Variants in ARHGAP24 observed in about 807,000 individuals in gnomAD.
ARHGAP24 encodes the protein Rho GTPase activating protein 24.
Under a neutral mutation model 76.4 loss-of-function variants are expected in ARHGAP24, and 50 were observed. That is an observed-to-expected ratio of 0.65 (90% CI 0.52 to 0.83). ARHGAP24 has a LOEUF of 0.83. Ranked by LOEUF, ARHGAP24 falls within the 40% of genes least tolerant of loss-of-function variation. ARHGAP24 has a pLI of 0.00. For synonymous variants in ARHGAP24, 345 were observed against 323.3 expected, an observed-to-expected ratio of 1.07 and a Z score of -0.72; for missense variants, 930 against 914.2, an observed-to-expected ratio of 1.02 and a Z score of -0.22.
intron 3 of ARHGAP24, among the ~76,000 whole-genome samples, chr4:85,913,069 T>C (rs1735175019): frequency 6.6e-6 from 1 of 152,122 alleles, no homozygotes. Flanking sequence ...ATAATTCCCA[T>C]GAACATATAA....
chr4:85,734,107 T>A (rs1049520297), intron 3 of ARHGAP24, among the ~76,000 whole-genome samples: 3 of 152,108 alleles, frequency 2.0e-5, no homozygotes, highest in Admixed American at 6.5e-5. Context: ...CTCTACTTAT[T>A]CCTGCCACAA....
chr4:85,770,695 A>G (rs75859108), intron 3 of ARHGAP24, among the ~76,000 whole-genome samples: 23,615 of 152,206 alleles, frequency 0.16, 2,797 homozygotes, highest in East Asian at 0.66. Context: ...AGTCTCTGTA[A>G]AGTGAAATGT....
intron 1 of ARHGAP24, among the ~76,000 whole-genome samples, chr4:85,561,207 G>A (rs991909050): frequency 1.3e-5 from 2 of 152,142 alleles, no homozygotes; most frequent in African/African-American, 4.8e-5. Flanking sequence ...CACCAGGGAA[G>A]CCTTTGTAGA....
intron 3 of ARHGAP24, among the ~76,000 whole-genome samples, chr4:85,740,971 T>C (rs1178336994): frequency 1.3e-5 from 2 of 152,266 alleles, no homozygotes; most frequent in African/African-American, 4.8e-5. Context: ...ACAGTGCTTG[T>C]ATTCTTTAAT....
chr4:85,570,912 G>A, intron 2 of ARHGAP24, 191 bp downstream of exon 2: 2 of 598,818 alleles, frequency 3.3e-6, no homozygotes, highest in East Asian at 5.9e-5. Flanking sequence ...AGGCCAAGAG[G>A]CAAATTATAC....
intron 2 of ARHGAP24, among the ~76,000 whole-genome samples, chr4:85,616,728 A>C (rs1720552550): frequency 6.6e-6 from 1 of 152,106 alleles, no homozygotes; most frequent in Admixed American, 6.5e-5. Flanking sequence ...CCCAGATACA[A>C]GCTATTCTTG....
intron 3 of ARHGAP24, among the ~76,000 whole-genome samples, chr4:85,837,662 G>A (rs572424931): frequency 1.3e-5 from 2 of 152,136 alleles, no homozygotes; most frequent in Non-Finnish European, 2.9e-5. Flanking sequence ...GACTTGAAAT[G>A]ACAAGTGATT....
intron 2 of ARHGAP24, among the ~76,000 whole-genome samples, chr4:85,683,560 T>C (rs1723310703): frequency 6.6e-6 from 1 of 152,246 alleles, no homozygotes; most frequent in African/African-American, 2.4e-5. Flanking sequence ...TAACATATTT[T>C]GAAGTTGTAA....
intron 1 of ARHGAP24, among the ~76,000 whole-genome samples, chr4:85,547,957 GC>G (rs1165178806): frequency 6.6e-6 from 1 of 152,078 alleles, no homozygotes; most frequent in Non-Finnish European, 1.5e-5. Context: ...GAAAGGAAGA[GC>G]TTTCCCATGT....
At chr4:85,972,436 GT>G (rs1739042982) in intron 6 of ARHGAP24, 1 of 451,866 alleles carries the variant, frequency 2.2e-6, no homozygotes, top group Non-Finnish European at 4.1e-6. Flanking sequence ...GCAGTGCTAT[GT>G]CAGGCCACAC....
chr4:85,873,989 G>T (rs917763701), intron 3 of ARHGAP24, among the ~76,000 whole-genome samples: 1 of 151,950 alleles, frequency 6.6e-6, no homozygotes, highest in African/African-American at 2.4e-5. Context: ...ATTAAATTAG[G>T]CACTTCTGCT....
chr4:85,907,229 C>T (rs1734817307), intron 3 of ARHGAP24, among the ~76,000 whole-genome samples: 1 of 152,178 alleles, frequency 6.6e-6, no homozygotes, highest in African/African-American at 2.4e-5. Context: ...AAAGGGAAAA[C>T]CCTCCTGTGG....
chr4:85,981,429 ATCT>A (rs1365048720), intron 8 of ARHGAP24, among the ~76,000 whole-genome samples: 1 of 152,180 alleles, frequency 6.6e-6, no homozygotes, highest in East Asian at 1.9e-4. Flanking sequence ...AATCTATAGT[ATCT>A]TTGATACTAT....
At chr4:85,549,784 T>C (rs1726057082) in intron 1 of ARHGAP24, among the ~76,000 whole-genome samples, 1 of 152,170 alleles carries the variant, frequency 6.6e-6, no homozygotes, top group Non-Finnish European at 1.5e-5. Flanking sequence ...AAGTAGGCCC[T>C]GGCATCTCTC....
At chr4:85,802,725 AGGTTGT>A (rs1728630625) in intron 3 of ARHGAP24, among the ~76,000 whole-genome samples, 1 of 152,196 alleles carries the variant, frequency 6.6e-6, no homozygotes, top group Non-Finnish European at 1.5e-5. Flanking sequence ...CAGGAGGCGG[AGGTTGT>A]GGTGAGCTGA....
At chr4:85,822,311 G>T (rs1156328906) in intron 3 of ARHGAP24, among the ~76,000 whole-genome samples, 1 of 151,828 alleles carries the variant, frequency 6.6e-6, no homozygotes, top group Non-Finnish European at 1.5e-5. Context: ...CAAATAACAA[G>T]CCAAGTCCAA....
At chr4:85,532,977 A>C (rs975999532) in intron 1 of ARHGAP24, among the ~76,000 whole-genome samples, 1 of 152,222 alleles carries the variant, frequency 6.6e-6, no homozygotes, top group African/African-American at 2.4e-5. Context: ...CTGTCTGCTA[A>C]GACCATGGGG....
chr4:85,570,584 C>T lies in ARHGAP24; in HGVS notation c.43C>T (p.Gln15Ter), dbSNP rs749366950. The change falls in exon 2 of 10, where the codon CAA (glutamine) becomes TAA (stop). Residue 15 changes from glutamine (Q) to a stop codon, truncating the protein, a stop_gained. Coordinates refer to ENST00000395184, the MANE Select transcript of ARHGAP24 (RefSeq NM_001025616.3). LOFTEE classifies it high-confidence loss of function. Reference sequence around the variant, plus strand: ...CTCCACGGAGAACCCCCAACAAGGCCAAGGGCGGCAGAATGCCATCAAGTG... The same window carrying T: ...CTCCACGGAGAACCCCCAACAAGGCTAAGGGCGGCAGAATGCCATCAAGTG... ...NDSTENPQQGQGRQNAIKCGW... is the reference protein window; with the variant it reads ...NDSTENPQQG The T allele has an allele frequency of 1.2e-6, 2 of 1,613,974 alleles. No homozygotes were observed. Among genetic ancestry groups the T allele is most frequent in the Non-Finnish European group, 1.7e-6 (2 of 1,179,996 alleles).
chr4:85,549,369 C>T (rs1204326395), intron 1 of ARHGAP24, among the ~76,000 whole-genome samples: 1 of 151,006 alleles, frequency 6.6e-6, no homozygotes, highest in Non-Finnish European at 1.5e-5. Flanking sequence ...GTAATGATAC[C>T]GGATTGTGTT....
Sources: gnomAD v4.1 joint callset for allele counts (sites outside exome capture counted in the v4.1 genomes callset) on GRCh38, gnomAD v4.1.1 for gene constraint, MANE v1.5 for transcripts, NCBI Gene and HGNC (gene_info 2026-07-23, HGNC 2026-07-21) for gene names.